Variants in DOCK1 observed in about 807,000 individuals in gnomAD.
The protein encoded by DOCK1 is dedicator of cytokinesis 1, also known as dedicator of cytokinesis protein 1.
DOCK1 carries 138 observed loss-of-function variants against 262.7 expected under a neutral mutation model. The ratio of observed to expected loss-of-function variants is 0.53; its 90% CI spans 0.46 to 0.61. The LOEUF is 0.61. DOCK1 is among the 20% of genes least tolerant of loss of function. The pLI is 0.00. For synonymous variants in DOCK1, 866 were observed against 867.4 expected (o/e 1.00, Z 0.03); for missense variants, 1,908 against 2,370.7 (o/e 0.80, Z 4.05).
chr10:127,240,145 T>C (rs961389230), intron 27 of DOCK1, among the ~76,000 whole-genome samples: 3 of 152,248 alleles, frequency 2.0e-5, no homozygotes, highest in East Asian at 3.9e-4. Context: ...GAGATACTAG[T>C]ACTCTATAAA....
At chr10:126,921,627 CG>C (rs2033208110) in intron 1 of DOCK1, among the ~76,000 whole-genome samples, 2 of 148,784 alleles carry the variant, frequency 1.3e-5, no homozygotes, top group Admixed American at 1.3e-4. Flanking sequence ...TACTTGAGGA[CG>C]GGTGAGAGAG....
intron 27 of DOCK1, among the ~76,000 whole-genome samples, chr10:127,237,437 G>T (rs1218115119): frequency 2.6e-5 from 4 of 151,602 alleles, no homozygotes; most frequent in East Asian, 1.9e-4. Flanking sequence ...TCCATATTTG[G>T]CAGGGAAGCA....
intron 31 of DOCK1, among the ~76,000 whole-genome samples, chr10:127,352,850 C>A (rs1466336916): frequency 1.3e-5 from 2 of 152,146 alleles, no homozygotes; most frequent in Non-Finnish European, 2.9e-5. Context: ...GCCTCGGCCT[C>A]CCAAAGTGCT....
intron 27 of DOCK1, among the ~76,000 whole-genome samples, chr10:127,212,232 G>C (rs1333816217): frequency 6.6e-6 from 1 of 152,052 alleles, no homozygotes; most frequent in African/African-American, 2.4e-5. Flanking sequence ...CTTGGGTAAG[G>C]CATTAAATTA....
chr10:126,977,115 T>C (rs532411993), intron 2 of DOCK1, among the ~76,000 whole-genome samples: 1 of 152,308 alleles, frequency 6.6e-6, no homozygotes, highest in South Asian at 2.1e-4. Flanking sequence ...AAATCATCCA[T>C]CTGAACTCAC....
intron 27 of DOCK1, among the ~76,000 whole-genome samples, chr10:127,151,046 C>G (rs1023708358): frequency 2.6e-5 from 4 of 152,138 alleles, no homozygotes; most frequent in Non-Finnish European, 5.9e-5. Context: ...TTATGATTTC[C>G]CCATTGATTG....
At chr10:127,334,935 CCACCGCAGAAAACCTA>C (rs1486021924) in intron 29 of DOCK1, among the ~76,000 whole-genome samples, 1 of 152,070 alleles carries the variant, frequency 6.6e-6, no homozygotes, top group African/African-American at 2.4e-5. Flanking sequence ...GAGCTGAATC[CCACCGCAGAAAACCTA>C]CACGGTTTTC....
intron 40 of DOCK1, among the ~76,000 whole-genome samples, chr10:127,406,982 T>C (rs1035583404): frequency 5.3e-5 from 8 of 152,114 alleles, no homozygotes; most frequent in African/African-American, 1.9e-4. Context: ...TTGCTCAGAC[T>C]GTATTTAAGA....
At chr10:127,076,284 A>C (rs896453879) in intron 23 of DOCK1, among the ~76,000 whole-genome samples, 2 of 152,164 alleles carry the variant, frequency 1.3e-5, no homozygotes, top group African/African-American at 2.4e-5. Context: ...GGCGGATCAC[A>C]AGGTCAGTAG....
chr10:127,339,901 A>G (rs1217016582), intron 30 of DOCK1, among the ~76,000 whole-genome samples: 2 of 152,196 alleles, frequency 1.3e-5, no homozygotes, highest in African/African-American at 2.4e-5. Context: ...TTTGAAAAGC[A>G]TGCAGATACA....
intron 1 of DOCK1, among the ~76,000 whole-genome samples, chr10:126,938,462 G>A (rs1481651202): frequency 3.9e-5 from 6 of 152,238 alleles, no homozygotes; most frequent in South Asian, 4.2e-4. Context: ...GACCTTATAC[G>A]TGAGGATTTA....
chr10:126,927,206 A>G (rs28538360), intron 1 of DOCK1, among the ~76,000 whole-genome samples: 1 of 152,138 alleles, frequency 6.6e-6, no homozygotes. Flanking sequence ...CAGGTGTGTG[A>G]CCATGATAGC....
At chr10:127,338,856 T>G in intron 29 of DOCK1, 150 bp from the exon 30 acceptor site, 1 of 594,088 alleles carries the variant, frequency 1.7e-6, no homozygotes, top group East Asian at 2.8e-5. Flanking sequence ...AATTCCGTGA[T>G]CTTTTCGTTG....
In DOCK1 at chr10:127,023,111, T is replaced by C. The variant is rs2042560969; in HGVS notation, c.1328-89T>C. 7 of 1,402,944 alleles carry C rather than the reference T, an allele frequency of 5.0e-6. No homozygotes were observed. The East Asian group carries it at 1.7e-4, about 33-fold the overall frequency. The allele number at this position is 1,402,944 out of a possible 1,614,324, so 86.9% of individuals were successfully genotyped here. Reference sequence around the variant, plus strand: ...CATCTAATATGTATTTGTAATAATCTATGAGGATAGGTAGACAGTCTTGCA... The same window carrying C: ...CATCTAATATGTATTTGTAATAATCCATGAGGATAGGTAGACAGTCTTGCA... On this transcript the variant is annotated intron_variant, in intron 13 of 51. Coordinates refer to ENST00000623213, the MANE Select transcript of DOCK1 (RefSeq NM_001290223.2).
At chr10:127,374,330 A>G (rs896933836) in intron 35 of DOCK1, 116 bp downstream of exon 35, 3 of 1,308,328 alleles carry the variant, frequency 2.3e-6, no homozygotes, top group African/African-American at 1.5e-5. Flanking sequence ...ACCGCAGAAC[A>G]ATCTCCTTCG....
intron 27 of DOCK1, among the ~76,000 whole-genome samples, chr10:127,164,426 AC>A (rs2053898073): frequency 6.6e-6 from 1 of 151,350 alleles, no homozygotes; most frequent in South Asian, 2.1e-4. Flanking sequence ...CAGGTGATCC[AC>A]CCGCCTCGGC....
rs147989604 is a variant in DOCK1, at chr10:126,987,615, G to A, written c.322G>A (p.Val108Met). The stretch of plus-strand genomic sequence containing the variant: ...GTCCACCATCTGGAGGCAGCTCTAC[G>A]TGGTGAGAAAATGAGATATTCATTC... ...EWSTIWRQLY[V>M]QDNREMFRSV... The change falls in exon 5 of 52, where the codon GTG becomes ATG. Residue 108 changes from valine (V) to methionine (M), a missense_variant and splice_region_variant. Val to Met is a conservative substitution (Grantham distance 21, BLOSUM62 1). Around this residue, in one of 9 missense-constraint regions of DOCK1, gnomAD observed 227 missense variants for 254.1 expected, o/e 0.89. Transcript: ENST00000623213. 38 of 1,558,162 alleles carry A rather than the reference G, an allele frequency of 2.4e-5. No individual in the cohort carries two copies. The highest frequency in any genetic ancestry group is 8.2e-5 in the African/African-American group (6 of 73,556).
chr10:127,421,940 G>T lies in DOCK1; in HGVS notation c.4776+2191G>T, dbSNP rs2068535497. Among the ~76,000 whole-genome samples the T allele has an allele frequency of 3.3e-5, 5 of 152,214 alleles. No individual in the cohort carries two copies. The South Asian group carries it at 1.0e-3, about 32-fold the overall frequency. ...GTGAACAATGCTGCTGTGAATGTGG[G>T]TGTATAAATACCTGCTCAAGTCCCT... On this transcript the variant is annotated intron_variant, in intron 46 of 51. Transcript: ENST00000623213.
At chr10:127,190,669 C>G (rs1236623436) in intron 27 of DOCK1, among the ~76,000 whole-genome samples, 4 of 21,442 alleles carry the variant, frequency 1.9e-4, no homozygotes, top group Admixed American at 1.1e-3. Context: ...CTATCTTCCC[C>G]CCCCCCCCCC....
Sources: gnomAD v4.1 joint callset for allele counts (sites outside exome capture counted in the v4.1 genomes callset) on GRCh38, gnomAD v4.1.1 for gene constraint, gnomAD v4.1.1 regional missense constraint, MANE v1.5 for transcripts, NCBI Gene and HGNC (gene_info 2026-07-23, HGNC 2026-07-21) for gene names.